The following RYR1 variants were observed in gnomAD, a reference collection of about 807,000 sequenced individuals.
RYR1 encodes the protein central core disease of muscle.
Under a neutral mutation model 583.5 loss-of-function variants are expected in RYR1, and 342 were observed. The observed-to-expected ratio is 0.59, with a 90% confidence interval of 0.54 to 0.64. The LOEUF is 0.64. RYR1 is among the 30% of genes least tolerant of loss of function. RYR1 has a pLI of 0.00. For synonymous variants in RYR1, 2,791 were observed against 2,822.5 expected (o/e 0.99, Z 0.35); for missense variants, 6,032 against 6,917.2 (o/e 0.87, Z 4.54).
At chr19:38,474,564 CTTTTTTTTTTTTT>C (rs970000046) in intron 28 of RYR1, among the ~76,000 whole-genome samples, 33 of 88,224 alleles carry the variant, frequency 3.7e-4, no homozygotes, top group Admixed American at 2.1e-3. Flanking sequence ...CGCCCGGCTC[CTTTTTTTTTTTTT>C]TTTTTTTTTT....
intron 21 of RYR1, 53 bp from the exon 22 acceptor site, chr19:38,463,694 G>C: frequency 6.4e-7 from 1 of 1,552,754 alleles, no homozygotes; most frequent in Admixed American, 1.7e-5. Context: ...CTGGGCATGT[G>C]GGGAGTGGGA....
intron 78 of RYR1, among the ~76,000 whole-genome samples, chr19:38,534,247 G>A (rs866127241): frequency 5.3e-5 from 8 of 151,852 alleles, no homozygotes; most frequent in South Asian, 2.1e-4. Flanking sequence ...TCTTGACCTC[G>A]TGATCTCCCT....
At chr19:38,567,078 T>A (rs1033270927) in intron 92 of RYR1, 91 bp downstream of exon 92, 3 of 1,539,730 alleles carry the variant, frequency 1.9e-6, no homozygotes, top group Non-Finnish European at 2.6e-6. Flanking sequence ...AAGGCTGTCC[T>A]GGCCACCCTG....
rs1414465486 is a variant in RYR1 at position 38,572,261 on chromosome 19, T to C, written c.13989T>C (p.Asn4663=). Residue 4663 remains asparagine, a synonymous_variant, in exon 95 of 106, where the codon AAT becomes AAC. Coordinates refer to ENST00000359596, the MANE Select transcript of RYR1 (RefSeq NM_000540.3). Reference sequence around the variant, plus strand: ...CCTTTCTCTGCATCATTGGCTATAATTGTCTCAAGGTGGGCCCATGGCCAT... The same window carrying C: ...CCTTTCTCTGCATCATTGGCTATAACTGTCTCAAGGTGGGCCCATGGCCAT... ...LVAFLCIIGY[N]CLKVPLVIFK... The C allele has an allele frequency of 1.2e-6, 2 of 1,609,316 alleles. No homozygotes were observed. The highest frequency in any genetic ancestry group is 1.7e-6 in the Non-Finnish European group (2 of 1,177,588).
intron 90 of RYR1, among the ~76,000 whole-genome samples, chr19:38,562,462 C>T (rs1973191389): frequency 6.6e-6 from 1 of 152,102 alleles, no homozygotes; most frequent in South Asian, 2.1e-4. Flanking sequence ...TCCTCAGATG[C>T]CGCCAGGTAC....
chr19:38,534,643 C>A (rs1971884726), intron 78 of RYR1, 77 bp from the exon 79 acceptor site: 1 of 1,256,016 alleles, frequency 8.0e-7, no homozygotes, highest in Non-Finnish European at 1.1e-6. Context: ...ACAGGGAGGG[C>A]AGAAGTGAGA....
chr19:38,475,264 G>A (rs1968658803), intron 28 of RYR1, 54 bp from the exon 29 acceptor site: 2 of 1,549,658 alleles, frequency 1.3e-6, no homozygotes, highest in Non-Finnish European at 1.7e-6. Flanking sequence ...ATATTGCGGT[G>A]GGAGGGCTGG....
intron 104 of RYR1, 21 bp downstream of exon 104, chr19:38,586,212 G>A (rs2145918399): frequency 6.2e-7 from 1 of 1,607,236 alleles, no homozygotes; most frequent in Admixed American, 1.7e-5. Context: ...ACACTGGCCA[G>A]TCAGGAGGGT....
At chr19:38,492,359 TCAA>T in intron 37 of RYR1, 128 bp from the exon 38 acceptor site, 1 of 785,320 alleles carries the variant, frequency 1.3e-6, no homozygotes, top group Non-Finnish European at 1.9e-6. Flanking sequence ...AGACACTGTC[TCAA>T]AAAAAAAAAA....
chr19:38,514,618 C>T (rs927327980), intron 63 of RYR1, among the ~76,000 whole-genome samples: 1 of 151,928 alleles, frequency 6.6e-6, no homozygotes, highest in African/African-American at 2.4e-5. Flanking sequence ...AAAAAGATAG[C>T]CTAAAATTGC....
chr19:38,559,085 C>T (rs918719126), intron 89 of RYR1, among the ~76,000 whole-genome samples: 4 of 151,996 alleles, frequency 2.6e-5, no homozygotes, highest in East Asian at 1.9e-4. Context: ...AGCAAGACTC[C>T]GTCTCAATAA....
chr19:38,561,202 C>A lies in RYR1; in HGVS notation c.12372C>A (p.Cys4124Ter). The A allele has an allele frequency of 6.2e-7, 1 of 1,614,160 alleles. No homozygotes were observed. The highest frequency in any genetic ancestry group is 2.2e-5 in the East Asian group (1 of 44,892). The change falls in exon 90 of 106, where the codon TGC becomes TGA. Residue 4124 changes from cysteine (C) to a stop codon, truncating the protein, a stop_gained. Coordinates refer to ENST00000359596, the MANE Select transcript of RYR1 (RefSeq NM_000540.3). LOFTEE classifies it high-confidence loss of function. The surrounding 1 kb of genome is among the most constrained non-coding windows in gnomAD (Gnocchi z 4.8). ...CGGATGAGAACGAAATGATCAACTG[C>A]GAAGAGTTCGCCAACCGCTTCCAGG... is the stretch of plus-strand genomic sequence containing the variant. ...SEADENEMIN[C>*]EEFANRFQEP...
intron 47 of RYR1, 107 bp downstream of exon 47, chr19:38,501,097 G>T (rs1970096381): frequency 9.1e-7 from 1 of 1,100,534 alleles, no homozygotes; most frequent in Non-Finnish European, 1.3e-6. Flanking sequence ...TGGGATTGTG[G>T]ACATATCATA....
Position 38,467,805 on chromosome 19 carries a change from G to A in RYR1, c.3374G>A (p.Gly1125Glu). ...GACGAGCTGGCCTATGTCTTCAATGGGCACCGCGTGGGTACCTCCCTGGGC... is the reference window on the plus strand; with the variant it reads ...GACGAGCTGGCCTATGTCTTCAATGAGCACCGCGTGGGTACCTCCCTGGGC... ...GADELAYVFNGHRGQRWHLGS... is the reference protein window; with the variant it reads ...GADELAYVFNEHRGQRWHLGS... The change falls in exon 25 of 106, where the codon GGG becomes GAG. Residue 1125 changes from glycine to glutamate, a missense_variant. Physicochemically the swap from Gly to Glu is moderately conservative, Grantham distance 98. Coordinates refer to ENST00000359596, the MANE Select transcript of RYR1 (RefSeq NM_000540.3). 6.2e-7 allele frequency: 1 copy of A among 1,613,876 alleles called. No homozygotes were observed. Among genetic ancestry groups the A allele is most frequent in the Non-Finnish European group, 8.5e-7 (1 of 1,180,020 alleles).
intron 89 of RYR1, among the ~76,000 whole-genome samples, chr19:38,550,426 T>G (rs1972616711): frequency 6.6e-6 from 1 of 152,176 alleles, no homozygotes; most frequent in African/African-American, 2.4e-5. Flanking sequence ...TTATGCATCT[T>G]TTGCAGGAAT....
intron 36 of RYR1, among the ~76,000 whole-genome samples, 170 bp downstream of exon 36, chr19:38,490,446 G>A (rs1444253095): frequency 1.3e-5 from 2 of 152,154 alleles, no homozygotes; most frequent in Non-Finnish European, 2.9e-5. Flanking sequence ...AGTCACCTCA[G>A]ACTGATGCTG....
chr19:38,458,035 C>T lies in RYR1; in HGVS notation c.1926-16C>T. 1 of 1,612,822 alleles carries T rather than the reference C, an allele frequency of 6.2e-7. No homozygotes were observed. Among genetic ancestry groups the T allele is most frequent in the Non-Finnish European group, 8.5e-7 (1 of 1,179,976 alleles). On this transcript the variant is annotated splice_polypyrimidine_tract_variant and intron_variant, in intron 17 of 105. Transcript: ENST00000359596. ...CCTCTCCGTCATCCCCCTCTCCTGTCCCATCTCTCCTGCAGCATCCGCCCC... is the reference window on the plus strand; with the variant it reads ...CCTCTCCGTCATCCCCCTCTCCTGTTCCATCTCTCCTGCAGCATCCGCCCC...
chr19:38,469,406 G>A lies in RYR1; in HGVS notation c.3658G>A (p.Glu1220Lys), dbSNP rs757687986. ...LRFFAICGLQ[E>K]GFEPFAINMQ... ...GTTCTTTGCCATCTGTGGCCTCCAG[G>A]AAGGCTTCGAGCCATTTGCCATCAA... Residue 1220 changes from glutamate to lysine, a missense_variant, in exon 27 of 106, where the codon GAA (glutamate) becomes AAA (lysine). Glu to Lys is a moderately conservative substitution (Grantham distance 56). Transcript: ENST00000359596. 1 of 1,614,116 alleles carries A rather than the reference G, an allele frequency of 6.2e-7. No individual in the cohort carries two copies. Among genetic ancestry groups the A allele is most frequent in the Non-Finnish European group, 8.5e-7 (1 of 1,180,034 alleles).
intron 58 of RYR1, among the ~76,000 whole-genome samples, chr19:38,510,267 G>A (rs1237605784): frequency 6.6e-6 from 1 of 152,078 alleles, no homozygotes; most frequent in Admixed American, 6.6e-5. Flanking sequence ...AGTGCAGTGA[G>A]CCGAGATCGT....
Sources: allele counts gnomAD v4.1 joint callset (sites outside exome capture counted in the v4.1 genomes callset), GRCh38; gene constraint gnomAD v4.1.1; non-coding constraint Gnocchi (gnomAD v3.1); transcripts MANE v1.5; gene names NCBI Gene and HGNC (gene_info 2026-07-23, HGNC 2026-07-21).